The following SPMIP2 variants were observed in gnomAD, a reference collection of about 807,000 sequenced individuals.
SPMIP2 encodes the protein sperm microtubule inner protein 2, also known as protein SPMIP2.
At chr4:159,015,439 T>C in the SPMIP2 span, among the ~76,000 whole-genome samples, 1 of 152,366 alleles carries the variant, frequency 6.6e-6, no homozygotes, top group East Asian at 1.9e-4. Context: ...GAAAGAATTA[T>C]TTTCAGGTGC....
the SPMIP2 span, among the ~76,000 whole-genome samples, chr4:158,963,681 G>A: frequency 6.6e-6 from 1 of 152,200 alleles, no homozygotes; most frequent in Non-Finnish European, 1.5e-5. Flanking sequence ...AGGTGCTACT[G>A]TGAAGGGATT....
At chr4:159,057,364 T>A in the SPMIP2 span, among the ~76,000 whole-genome samples, 2 of 152,230 alleles carry the variant, frequency 1.3e-5, no homozygotes, top group Admixed American at 1.3e-4. Flanking sequence ...TGAGTTTTTT[T>A]ATAATCTAAT....
the SPMIP2 span, among the ~76,000 whole-genome samples, chr4:158,949,451 G>A: frequency 3.3e-5 from 5 of 152,198 alleles, no homozygotes; most frequent in South Asian, 2.1e-4. Flanking sequence ...TTATTTTACA[G>A]ATTAGAAAAC....
the SPMIP2 span, among the ~76,000 whole-genome samples, chr4:158,997,353 C>T: frequency 6.6e-6 from 1 of 151,788 alleles, no homozygotes; most frequent in Non-Finnish European, 1.5e-5. Context: ...GCCTCAGCCT[C>T]TGAAGTAGCT....
the SPMIP2 span, among the ~76,000 whole-genome samples, chr4:158,982,633 TA>T: frequency 6.6e-6 from 1 of 152,030 alleles, no homozygotes; most frequent in African/African-American, 2.4e-5. Context: ...ACTGGGTAAA[TA>T]ACGAAATGAA....
At chr4:159,059,157 G>A in the SPMIP2 span, among the ~76,000 whole-genome samples, 1 of 152,210 alleles carries the variant, frequency 6.6e-6, no homozygotes, top group South Asian at 2.1e-4. Context: ...CATGCTGGTG[G>A]TTAGATCCAT....
At chr4:159,052,568 G>C in the SPMIP2 span, among the ~76,000 whole-genome samples, 1 of 152,090 alleles carries the variant, frequency 6.6e-6, no homozygotes, top group East Asian at 1.9e-4. Context: ...CCGTAGATGG[G>C]GTAGTGATGC....
the SPMIP2 span, among the ~76,000 whole-genome samples, chr4:159,051,543 A>G: frequency 6.6e-6 from 1 of 152,242 alleles, no homozygotes; most frequent in African/African-American, 2.4e-5. Flanking sequence ...GAGACCATTT[A>G]TACTATGGTT....
the SPMIP2 span, among the ~76,000 whole-genome samples, chr4:159,025,411 C>A: frequency 1.3e-5 from 2 of 152,166 alleles, no homozygotes; most frequent in Admixed American, 1.3e-4. Context: ...GTGATCCCCC[C>A]ACCTCGGCCT....
the SPMIP2 span, among the ~76,000 whole-genome samples, chr4:158,902,285 A>C: frequency 6.6e-6 from 1 of 151,914 alleles, no homozygotes; most frequent in Non-Finnish European, 1.5e-5. Flanking sequence ...TCCACTACAG[A>C]CCCTGTTTGC....
chr4:158,941,907 G>A, the SPMIP2 span, among the ~76,000 whole-genome samples: 1 of 152,066 alleles, frequency 6.6e-6, no homozygotes, highest in Non-Finnish European at 1.5e-5. Flanking sequence ...ATTAAGAGAT[G>A]GTGGTGTTCT....
chr4:159,055,909 T>C, the SPMIP2 span, among the ~76,000 whole-genome samples: 1 of 152,138 alleles, frequency 6.6e-6, no homozygotes, highest in South Asian at 2.1e-4. Flanking sequence ...AAGCTTTTAC[T>C]GCAAAGCTTG....
chr4:159,076,691 A>G, the SPMIP2 span, among the ~76,000 whole-genome samples: 1 of 152,112 alleles, frequency 6.6e-6, no homozygotes, highest in Non-Finnish European at 1.5e-5. Context: ...CTTTAGAGAT[A>G]GAGTCTTGCT....
chr4:159,039,880 A>G, the SPMIP2 span, among the ~76,000 whole-genome samples: 2 of 152,256 alleles, frequency 1.3e-5, no homozygotes. Flanking sequence ...CTGTAAAAGT[A>G]TCTTGTTTTA....
chr4:158,984,166 A>G, the SPMIP2 span, among the ~76,000 whole-genome samples: 2 of 71,756 alleles, frequency 2.8e-5, no homozygotes, highest in Non-Finnish European at 2.9e-5. Flanking sequence ...TGACCTACAA[A>G]GAGACTTAGA....
the SPMIP2 span, among the ~76,000 whole-genome samples, chr4:158,940,538 G>A: frequency 2.6e-4 from 38 of 143,598 alleles, no homozygotes; most frequent in East Asian, 5.0e-3. Flanking sequence ...AAGTGGTGAT[G>A]TCCTAATTCT....
chr4:159,043,425 C>A, the SPMIP2 span, among the ~76,000 whole-genome samples: 1 of 152,156 alleles, frequency 6.6e-6, no homozygotes, highest in Non-Finnish European at 1.5e-5. Context: ...CGGCTCACTG[C>A]AAACTCTGCC....
the SPMIP2 span, among the ~76,000 whole-genome samples, chr4:159,012,119 A>T: frequency 3.9e-5 from 6 of 152,148 alleles, no homozygotes; most frequent in Non-Finnish European, 8.8e-5. Flanking sequence ...GAAAATAATT[A>T]TAAAGAAAAA....
chr4:158,897,190 C>T, the SPMIP2 span, among the ~76,000 whole-genome samples: 2 of 152,194 alleles, frequency 1.3e-5, no homozygotes, highest in African/African-American at 4.8e-5. Flanking sequence ...TTTATGGTTG[C>T]ATAGTATTCC....
Sources: gnomAD v4.1 joint callset for allele counts (sites outside exome capture counted in the v4.1 genomes callset) on GRCh38, gnomAD v4.1.1 for gene constraint, MANE v1.5 for transcripts, NCBI Gene and HGNC (gene_info 2026-07-23, HGNC 2026-07-21) for gene names.